The following ACOX1 variants were observed in gnomAD, a reference collection of about 807,000 sequenced individuals.
ACOX1 encodes peroxisomal acyl-coenzyme A oxidase 1.
In ACOX1, 41 loss-of-function variants were observed where a neutral mutation model predicts 75.5. That is an observed-to-expected ratio of 0.54 (90% CI 0.42 to 0.70). ACOX1 has a LOEUF of 0.70. Ranked by LOEUF, ACOX1 falls within the 30% of genes least tolerant of loss-of-function variation. ACOX1 has a pLI of 0.00. For synonymous variants in ACOX1, 303 were observed against 298.8 expected (o/e 1.01, Z -0.15); for missense variants, 630 against 837.5 (o/e 0.75, Z 3.06).
In ACOX1 at chr17:75,950,535, C is replaced by T. The variant is rs2065764869; in HGVS notation, c.1298+239G>A. 6.6e-6 allele frequency among the ~76,000 whole-genome samples: 1 copy of T among 152,170 alleles called. No individual in the cohort carries two copies. Among genetic ancestry groups the T allele is most frequent in the South Asian group, 2.1e-4 (1 of 4,836 alleles). ...AAAGTGCTGGGATTACAGTCATGAG[C>T]CACTGTGCCCAGCCCAGTAACTCTA... On this transcript the variant is annotated intron_variant, in intron 9 of 13. Transcript: ENST00000293217. This position sits in a 1 kb window ranked among gnomAD's most constrained non-coding sequence, Gnocchi z 4.3.
At chr17:75,956,168 C>T (rs944465448) in intron 4 of ACOX1, among the ~76,000 whole-genome samples, 1 of 152,010 alleles carries the variant, frequency 6.6e-6, no homozygotes, top group Non-Finnish European at 1.5e-5. Flanking sequence ...CATACATTTA[C>T]GTAGAGAAAA....
At chr17:75,947,529 C>T (rs2065732876) in intron 13 of ACOX1, among the ~76,000 whole-genome samples, 2 of 152,024 alleles carry the variant, frequency 1.3e-5, no homozygotes, top group Non-Finnish European at 2.9e-5. Flanking sequence ...CTGAGCCTGG[C>T]CCTGATGTCT....
chr17:75,973,875 A>G, intron 2 of ACOX1: 1 of 1,338,904 alleles, frequency 7.5e-7, no homozygotes, highest in African/African-American at 1.4e-5. Context: ...GCCTTCAAGG[A>G]GAAGGTCAGG....
At chr17:75,974,102 G>A (rs1404594875) in intron 2 of ACOX1, among the ~76,000 whole-genome samples, 3 of 148,806 alleles carry the variant, frequency 2.0e-5, no homozygotes, top group Non-Finnish European at 4.5e-5. Context: ...GGTTGTTGGT[G>A]TTATTTGCTG....
At chr17:75,969,788 A>G (rs2065975564) in intron 2 of ACOX1, among the ~76,000 whole-genome samples, 1 of 152,212 alleles carries the variant, frequency 6.6e-6, no homozygotes, top group African/African-American at 2.4e-5. Flanking sequence ...ATATTCCTAA[A>G]TAGATGGTAA....
intron 6 of ACOX1, among the ~76,000 whole-genome samples, chr17:75,954,568 CTTT>C (rs778030630): frequency 9.1e-4 from 105 of 115,642 alleles, no homozygotes; most frequent in African/African-American, 3.5e-3. Flanking sequence ...TTATTAGCTC[CTTT>C]TTTTTTTTTT....
At chr17:75,961,207 T>G (rs1486730455) in intron 2 of ACOX1, among the ~76,000 whole-genome samples, 1 of 147,298 alleles carries the variant, frequency 6.8e-6, no homozygotes, top group African/African-American at 2.5e-5. Flanking sequence ...GCAGGAGAAT[T>G]GCTCCAACCC....
Position 75,978,903 on chromosome 17 carries a change from C to G in ACOX1, c.109+62G>C. ...CTAGGCCCCACAGCGCCCCTGACTC[C>G]GCATCGAGGGAGTCTCCAGCTTTTC... On this transcript the variant is annotated intron_variant, in intron 1 of 13. Transcript: ENST00000293217. This position sits in a 1 kb window ranked among gnomAD's most constrained non-coding sequence, Gnocchi z 4.2. 6.2e-7 allele frequency: 1 copy of G among 1,602,868 alleles called. No individual in the cohort carries two copies. Among genetic ancestry groups the G allele is most frequent in the Non-Finnish European group, 8.5e-7 (1 of 1,178,250 alleles).
chr17:75,960,072 C>A lies in ACOX1; in HGVS notation c.430+143G>T. On this transcript the variant is annotated intron_variant, in intron 3 of 13. Coordinates refer to ENST00000293217, the MANE Select transcript of ACOX1 (RefSeq NM_004035.7). The surrounding 1 kb of genome is among the most constrained non-coding windows in gnomAD (Gnocchi z 4.4). ...CCACTCACCAAAGCAGTGTTTATAC[C>A]AAAACCTGGACTCTGCAGAAAGAGC... The A allele has an allele frequency of 2.0e-6, 2 of 1,001,504 alleles. No individual in the cohort carries two copies. Among genetic ancestry groups the A allele is most frequent in the Non-Finnish European group, 1.5e-6 (1 of 676,548 alleles). 62.0% of individuals were successfully genotyped at this position (1,001,504 alleles called of 1,614,324 possible).
intron 2 of ACOX1, among the ~76,000 whole-genome samples, chr17:75,971,936 C>A (rs1470438148): frequency 6.6e-6 from 1 of 152,052 alleles, no homozygotes; most frequent in Admixed American, 6.6e-5. Context: ...AATACTGAAA[C>A]AGAGTTCTGT....
Position 75,943,082 on chromosome 17 carries a change from C to A in ACOX1, c.*3666G>T, listed in dbSNP as rs186773733. 1.3e-5 allele frequency: 2 copies of A among 151,960 alleles called. No individual in the cohort carries two copies. Among genetic ancestry groups the A allele is most frequent in the African/African-American group, 4.8e-5 (2 of 41,426 alleles). 9.4% of individuals were successfully genotyped at this position (151,960 alleles called of 1,614,324 possible). ...CTCTGCTCAAAATACAAAAATTAGC[C>A]GAGCGTGATGGCAGGTGCCTGTAAT... On this transcript the variant is annotated 3_prime_UTR_variant, in exon 14 of 14. Coordinates refer to ENST00000293217, the MANE Select transcript of ACOX1 (RefSeq NM_004035.7).
Position 75,953,458 on chromosome 17 carries a change from T to C in ACOX1, c.937A>G (p.Lys313Glu). ...YSAVRHQSEI[K>E]PGEPEPQILD... ...CTAGGACCCTATCCTTACCCTGGCT[T>C]GATTTCAGACTGGTGCCTCACAGCG... is the stretch of plus-strand genomic sequence containing the variant. Residue 313 changes from lysine to glutamate, a missense_variant, in exon 7 of 14, where the codon AAG (lysine) becomes GAG (glutamate). Lys to Glu is a moderately conservative substitution (Grantham distance 56, BLOSUM62 1). Around this residue, in one of 2 missense-constraint regions of ACOX1, gnomAD observed 390 missense variants for 574.9 expected, o/e 0.68. Coordinates refer to ENST00000293217, the MANE Select transcript of ACOX1 (RefSeq NM_004035.7). 6.2e-7 allele frequency: 1 copy of C among 1,613,884 alleles called. No homozygotes were observed. Among genetic ancestry groups the C allele is most frequent in the Non-Finnish European group, 8.5e-7 (1 of 1,179,848 alleles).
At chr17:75,947,051 G>T (rs1438766440) in intron 13 of ACOX1, among the ~76,000 whole-genome samples, 1 of 151,628 alleles carries the variant, frequency 6.6e-6, no homozygotes, top group East Asian at 1.9e-4. Context: ...GTATTTTTTT[G>T]TAGAGATGGG....
chr17:75,969,660 T>G (rs1234578475), intron 2 of ACOX1, among the ~76,000 whole-genome samples: 1 of 152,078 alleles, frequency 6.6e-6, no homozygotes, highest in African/African-American at 2.4e-5. Flanking sequence ...AAAATCAAGT[T>G]TACTACCTCT....
Position 75,953,587 on chromosome 17 carries a change from T to A in ACOX1, c.808A>T (p.Ser270Cys). The A allele has an allele frequency of 6.2e-7, 1 of 1,614,170 alleles. No homozygotes were observed. Among genetic ancestry groups the A allele is most frequent in the Non-Finnish European group, 8.5e-7 (1 of 1,180,000 alleles). ...KPDGTYVKPL[S>C]NKLTYGTMVF... ...ATGGTCCCGTAAGTCAGCTTGTTAC[T>A]CAGCGGTTTCACGTATGTGCCATCA... The change falls in exon 7 of 14, where the codon AGT (serine) becomes TGT (cysteine). Residue 270 changes from serine to cysteine, a missense_variant. By Grantham distance (112) the Ser-to-Cys change is moderately radical. This residue lies in a region of ACOX1 where 390 missense variants were observed against 574.9 expected (regional missense o/e 0.68). Transcript: ENST00000293217.
At chr17:75,972,275 C>T (rs771230102) in intron 2 of ACOX1, among the ~76,000 whole-genome samples, 20 of 145,760 alleles carry the variant, frequency 1.4e-4, no homozygotes, top group South Asian at 1.1e-3. Flanking sequence ...TGCACCGAGC[C>T]GAGATGGCAC....
chr17:75,978,699 A>G lies in ACOX1; in HGVS notation c.110-6T>C, dbSNP rs1311554549. ...GTCGTTCAGGATCATGTTCTCTGAA[A>G]GGGGGTTAAAGGGCATTAAAAGGCA... On this transcript the variant is annotated splice_polypyrimidine_tract_variant and splice_region_variant and intron_variant, in intron 1 of 13. Coordinates refer to ENST00000293217, the MANE Select transcript of ACOX1 (RefSeq NM_004035.7). This position sits in a 1 kb window ranked among gnomAD's most constrained non-coding sequence, Gnocchi z 4.2. 3 of 1,613,580 alleles carry G rather than the reference A, an allele frequency of 1.9e-6. No homozygotes were observed. Among genetic ancestry groups the G allele is most frequent in the Admixed American group, 1.7e-5 (1 of 60,018 alleles).
chr17:75,952,353 G>A (rs2065782026), intron 7 of ACOX1, among the ~76,000 whole-genome samples: 2 of 151,972 alleles, frequency 1.3e-5, no homozygotes, highest in Non-Finnish European at 2.9e-5. Flanking sequence ...GGAGTGCAGT[G>A]TTGTGATTTC....
In ACOX1 at chr17:75,944,134, TGAG is replaced by T. The variant is rs1362991231; in HGVS notation, c.*2611_*2613del. The T allele has an allele frequency of 6.6e-6, 1 of 152,044 alleles. No homozygotes were observed. The highest frequency in any genetic ancestry group is 2.4e-5 in the African/African-American group (1 of 41,390). The allele number at this position is 152,044 out of a possible 1,614,324, so 9.4% of individuals were successfully genotyped here. ...CTGTCGTCCCAGCTACTCAGGAGAC[TGAG>T]GAGGGAGGACCATTTGAACCCGGGA... On this transcript the variant is annotated 3_prime_UTR_variant, in exon 14 of 14. Transcript: ENST00000293217.
Sources: gnomAD v4.1 joint callset for allele counts (sites outside exome capture counted in the v4.1 genomes callset) on GRCh38, gnomAD v4.1.1 for gene constraint, gnomAD v4.1.1 regional missense constraint, Gnocchi (gnomAD v3.1) non-coding constraint, MANE v1.5 for transcripts, NCBI Gene and HGNC (gene_info 2026-07-23, HGNC 2026-07-21) for gene names.